The following PKNOX2 variants were observed in gnomAD, a reference collection of about 807,000 sequenced individuals.
The protein encoded by PKNOX2 is homeobox protein PKNOX2.
Under a neutral mutation model 53.1 loss-of-function variants are expected in PKNOX2, and 14 were observed. The observed-to-expected ratio is 0.26, with a 90% CI of 0.17 to 0.41. The LOEUF is 0.41. Among genes scored for constraint, PKNOX2 ranks in the 10% least tolerant of loss-of-function variants. The pLI is 1.00. For synonymous variants in PKNOX2, 257 were observed against 242.8 expected, an observed-to-expected ratio of 1.06 and a Z score of -0.54; for missense variants, 496 against 602.8, an observed-to-expected ratio of 0.82 and a Z score of 1.85.
At chr11:125,391,787 G>A (rs1954064356) in intron 6 of PKNOX2, among the ~76,000 whole-genome samples, 1 of 152,234 alleles carries the variant, frequency 6.6e-6, no homozygotes, top group Non-Finnish European at 1.5e-5. Flanking sequence ...TATTTTGAAA[G>A]AGAAGGGAGG....
chr11:125,181,392 T>A (rs1565463123), intron 1 of PKNOX2, among the ~76,000 whole-genome samples: 2 of 152,204 alleles, frequency 1.3e-5, no homozygotes, highest in Non-Finnish European at 2.9e-5. Flanking sequence ...GATGGCTTCC[T>A]GGAGGAAGTG....
rs1190400034 is a variant in PKNOX2, at chr11:125,240,869, C to T, written c.-130+5754C>T. On this transcript the variant is annotated intron_variant, in intron 2 of 12. Transcript: ENST00000298282. This position sits in a 1 kb window ranked among gnomAD's most constrained non-coding sequence, Gnocchi z 4.3. Reference sequence around the variant, plus strand: ...GGCTCTTCAGAGAGGAAAAATTGCTCCAAAGCTAGCCATTTCTCCAGGGAT... The same window carrying T: ...GGCTCTTCAGAGAGGAAAAATTGCTTCAAAGCTAGCCATTTCTCCAGGGAT... Among the ~76,000 whole-genome samples the T allele has an allele frequency of 6.6e-6, 1 of 152,128 alleles. No individual in the cohort carries two copies. Among genetic ancestry groups the T allele is most frequent in the Non-Finnish European group, 1.5e-5 (1 of 68,028 alleles).
At chr11:125,377,255 A>T (rs962247747) in intron 5 of PKNOX2, among the ~76,000 whole-genome samples, 1 of 152,210 alleles carries the variant, frequency 6.6e-6, no homozygotes, top group Non-Finnish European at 1.5e-5. Flanking sequence ...TAACTTACCC[A>T]AAGTGTAGCT....
intron 3 of PKNOX2, among the ~76,000 whole-genome samples, chr11:125,335,415 T>C (rs1023340131): frequency 2.6e-4 from 39 of 152,330 alleles, no homozygotes; most frequent in African/African-American, 9.1e-4. Flanking sequence ...GTTCCTTCTC[T>C]GTGAATGAGG....
chr11:125,173,435 A>G (rs1375166559), intron 1 of PKNOX2, among the ~76,000 whole-genome samples: 3 of 152,124 alleles, frequency 2.0e-5, no homozygotes, highest in African/African-American at 7.2e-5. Context: ...CTTATCTTCT[A>G]TGATGATGGT....
At chr11:125,368,987 G>A (rs1952357728) in intron 5 of PKNOX2, among the ~76,000 whole-genome samples, 1 of 152,198 alleles carries the variant, frequency 6.6e-6, no homozygotes, top group African/African-American at 2.4e-5. Context: ...TGCAGCAGGT[G>A]CGAATGCCAG....
At chr11:125,189,045 TCAACTTAGGG>T (rs1242190511) in intron 1 of PKNOX2, among the ~76,000 whole-genome samples, 6 of 151,976 alleles carry the variant, frequency 3.9e-5, no homozygotes, top group African/African-American at 1.5e-4. Context: ...AAAGTCCCAA[TCAACTTAGGG>T]CAAGAGAAGG....
chr11:125,377,635 G>C (rs1031462588), intron 5 of PKNOX2, among the ~76,000 whole-genome samples: 1 of 152,208 alleles, frequency 6.6e-6, no homozygotes, highest in Non-Finnish European at 1.5e-5. Context: ...ACCTTTCTCT[G>C]CTGAGTCCTT....
At chr11:125,225,263 G>A (rs1941590336) in intron 1 of PKNOX2, among the ~76,000 whole-genome samples, 1 of 152,204 alleles carries the variant, frequency 6.6e-6, no homozygotes, top group Non-Finnish European at 1.5e-5. Flanking sequence ...CTGGTTGTCT[G>A]TCCCCTCATT....
Position 125,410,179 on chromosome 11 carries a change from G to C in PKNOX2, c.589-17G>C. On this transcript the variant is annotated splice_polypyrimidine_tract_variant and intron_variant, in intron 7 of 12. Coordinates refer to ENST00000298282, the MANE Select transcript of PKNOX2 (RefSeq NM_001382323.2). ...TCTCAGTGTCATTGTCACAAACCAC[G>C]CCTCCCTCACTGCCAGGACCTCCTG... The C allele has an allele frequency of 3.7e-6, 6 of 1,612,934 alleles. No individual in the cohort carries two copies. The highest frequency in any genetic ancestry group is 5.1e-6 in the Non-Finnish European group (6 of 1,179,292).
chr11:125,369,176 A>G (rs1156856422), intron 5 of PKNOX2, among the ~76,000 whole-genome samples: 1 of 152,220 alleles, frequency 6.6e-6, no homozygotes, highest in Non-Finnish European at 1.5e-5. Flanking sequence ...TCTAATACCA[A>G]CAGTTGAGGG....
At chr11:125,410,735 C>A in intron 8 of PKNOX2, 44 bp from the exon 9 acceptor site, 1 of 1,473,266 alleles carries the variant, frequency 6.8e-7, no homozygotes, top group Non-Finnish European at 9.5e-7. Context: ...CTCGCTCCTA[C>A]CCACTCCCAT....
At chr11:125,241,644 C>G (rs1288557862) in intron 2 of PKNOX2, among the ~76,000 whole-genome samples, 1 of 152,192 alleles carries the variant, frequency 6.6e-6, no homozygotes, top group Non-Finnish European at 1.5e-5. Context: ...ATCACGAGGT[C>G]AGGAGTTCGA....
intron 1 of PKNOX2, among the ~76,000 whole-genome samples, chr11:125,172,521 T>C (rs1180265891): frequency 6.6e-6 from 1 of 152,156 alleles, no homozygotes; most frequent in Admixed American, 6.5e-5. Context: ...AAGGGGGGAC[T>C]GGTAGTCTGA....
At chr11:125,385,927 G>T (rs1953601199) in intron 6 of PKNOX2, among the ~76,000 whole-genome samples, 1 of 152,204 alleles carries the variant, frequency 6.6e-6, no homozygotes, top group Non-Finnish European at 1.5e-5. Context: ...AGGCTTTGCT[G>T]CCAAAGTTCT....
Position 125,231,524 on chromosome 11 carries a change from T to C in PKNOX2, c.-200-3521T>C, listed in dbSNP as rs1018391513. On this transcript the variant is annotated intron_variant, in intron 1 of 12. Transcript: ENST00000298282. ...ATTGCATGGCTGAAAGCCTTTGCCATGATTATTTGCCTGTGAGGATCACAG... is the reference window on the plus strand; with the variant it reads ...ATTGCATGGCTGAAAGCCTTTGCCACGATTATTTGCCTGTGAGGATCACAG... Among the ~76,000 whole-genome samples, 16 of 152,244 alleles carry C rather than the reference T, an allele frequency of 1.1e-4. No homozygotes were observed. The South Asian group carries it at 1.9e-3, about 18-fold the overall frequency.
At chr11:125,350,623 G>T (rs1591538053) in intron 3 of PKNOX2, among the ~76,000 whole-genome samples, 1 of 152,338 alleles carries the variant, frequency 6.6e-6, no homozygotes, top group East Asian at 1.9e-4. Flanking sequence ...ACAAGCCCGA[G>T]TCTGGGAAAG....
At chr11:125,193,398 C>A (rs898739782) in intron 1 of PKNOX2, among the ~76,000 whole-genome samples, 7 of 152,282 alleles carry the variant, frequency 4.6e-5, no homozygotes, top group Non-Finnish European at 1.0e-4. Flanking sequence ...TGCCCTGCAT[C>A]TTTCTGAGGC....
intron 1 of PKNOX2, among the ~76,000 whole-genome samples, chr11:125,203,775 A>C (rs1304534578): frequency 6.6e-6 from 1 of 152,112 alleles, no homozygotes; most frequent in Non-Finnish European, 1.5e-5. Context: ...CAAACGATTC[A>C]CTTTAACTCA....
Sources: allele counts gnomAD v4.1 joint callset (sites outside exome capture counted in the v4.1 genomes callset), GRCh38; gene constraint gnomAD v4.1.1; non-coding constraint Gnocchi (gnomAD v3.1); transcripts MANE v1.5; gene names NCBI Gene and HGNC (gene_info 2026-07-23, HGNC 2026-07-21).